Variants in RARA observed in about 807,000 individuals in gnomAD.
RARA encodes PML-DDX5-RARA fusion.
In RARA, 5 loss-of-function variants were observed where a neutral mutation model predicts 42.8. That is an observed-to-expected ratio of 0.12 (90% CI 0.06 to 0.25). The LOEUF (loss-of-function observed/expected upper bound fraction) is 0.25, where lower values mean the gene tolerates loss of function less well. Among genes scored for constraint, RARA ranks in the 10% least tolerant of loss-of-function variants. The pLI is 1.00. For missense variants in RARA, 402 were observed against 628.7 expected, an observed-to-expected ratio of 0.64 and a Z score of 3.86; for synonymous variants, 256 against 259.5, an observed-to-expected ratio of 0.99 and a Z score of 0.13.
In RARA at chr17:40,356,109, C is replaced by T. The variant is rs747786910; in HGVS notation, c.1272C>T (p.Ser424=). 52 of 1,561,264 alleles carry T rather than the reference C, an allele frequency of 3.3e-5. No individual in the cohort carries two copies. The highest frequency in any genetic ancestry group is 1.8e-4 in the African/African-American group (12 of 66,006). The change falls in exon 9 of 9, where the codon AGC becomes AGT. Residue 424 remains serine (S), a synonymous_variant. Coordinates refer to ENST00000254066, the MANE Select transcript of RARA (RefSeq NM_000964.4). ...ACTCAGAGGGCCTGGACACTCTGAG[C>T]GGACAGCCGGGGGGTGGGGGGCGGG... ...LENSEGLDTL[S]GQPGGGGRDG... is the part of the protein sequence containing the mutation.
At chr17:40,340,442 T>A (rs1341264094) in intron 2 of RARA, among the ~76,000 whole-genome samples, 1 of 152,204 alleles carries the variant, frequency 6.6e-6, no homozygotes, top group East Asian at 1.9e-4. Context: ...AGCCTGGTCT[T>A]GTGTACCTTT....
intron 1 of RARA, among the ~76,000 whole-genome samples, chr17:40,316,182 T>C (rs1224043989): frequency 2.6e-5 from 4 of 152,244 alleles, no homozygotes; most frequent in Non-Finnish European, 5.9e-5. Flanking sequence ...TGTGCATGCT[T>C]TGTGTTTGTA....
intron 2 of RARA, among the ~76,000 whole-genome samples, chr17:40,334,237 T>A (rs2033782185): frequency 6.6e-6 from 1 of 152,124 alleles, no homozygotes; most frequent in East Asian, 1.9e-4. Flanking sequence ...GTGGGTGGGG[T>A]GCCCACATTT....
Position 40,331,317 on chromosome 17 carries a change from T to G in RARA, c.99T>G (p.Gly33=), listed in dbSNP as rs769208251. 2 of 1,613,912 alleles carry G rather than the reference T, an allele frequency of 1.2e-6. No individual in the cohort carries two copies. The highest frequency in any genetic ancestry group is 1.7e-6 in the Non-Finnish European group (2 of 1,179,980). ...CCTTCTTCTTCCCCCCTATGCTGGGTGGACTCTCCCCGCCAGGCGCTCTGA... is the reference window on the plus strand; with the variant it reads ...CCTTCTTCTTCCCCCCTATGCTGGGGGGACTCTCCCCGCCAGGCGCTCTGA... ...PYAFFFPPML[G]GLSPPGALTT... is the part of the protein sequence containing the mutation. Residue 33 remains glycine (G), a synonymous_variant, in exon 2 of 9, where the codon GGT becomes GGG. Transcript: ENST00000254066.
intron 2 of RARA, chr17:40,347,908 A>C (rs2143454101): frequency 6.3e-6 from 1 of 159,878 alleles, no homozygotes; most frequent in South Asian, 1.9e-4. Flanking sequence ...CCCCCAGCTT[A>C]TGTCCTCTTC....
Position 40,354,600 on chromosome 17 carries a change from G to A in RARA, c.1012+94G>A. 1 of 1,422,120 alleles carries A rather than the reference G, an allele frequency of 7.0e-7. No individual in the cohort carries two copies. Among genetic ancestry groups the A allele is most frequent in the Non-Finnish European group, 9.6e-7 (1 of 1,046,452 alleles). 88.1% of individuals were successfully genotyped at this position (1,422,120 alleles called of 1,614,324 possible). A position where few individuals can be genotyped will look rare whatever the true frequency, so the allele number is the denominator to read the frequency against. ...AGCTCTTTCAGGCCACCTCTGTTAG[G>A]TATCTCTAGAGGGCAGGGTCTGGTC... On this transcript the variant is annotated intron_variant, in intron 7 of 8. Coordinates refer to ENST00000254066, the MANE Select transcript of RARA (RefSeq NM_000964.4). The surrounding 1 kb of genome is among the most constrained non-coding windows in gnomAD (Gnocchi z 4.5).
chr17:40,341,022 T>C (rs2034015321), intron 2 of RARA: 1 of 400,308 alleles, frequency 2.5e-6, no homozygotes, highest in African/African-American at 2.1e-5. Context: ...TCTAGAAGAA[T>C]GTCCTTGGGT....
intron 1 of RARA, among the ~76,000 whole-genome samples, chr17:40,327,332 A>T (rs2143246703): frequency 6.6e-6 from 1 of 152,290 alleles, no homozygotes; most frequent in Admixed American, 6.5e-5. Flanking sequence ...AGCGTGGGTT[A>T]CAGAGGCCTC....
chr17:40,322,169 G>T (rs1218562335), intron 1 of RARA, among the ~76,000 whole-genome samples: 1 of 152,018 alleles, frequency 6.6e-6, no homozygotes, highest in African/African-American at 2.4e-5. Context: ...GAAGGGGAGG[G>T]GGGTGGAGGG....
Position 40,320,250 on chromosome 17 carries a change from C to T in RARA, c.-362-10607C>T, listed in dbSNP as rs1457617112. ...TCCTATAGCCCCTAAATCTCTATCC[C>T]TTCAGTCTGACCCTAAATGCACCGG... is the stretch of plus-strand genomic sequence containing the variant. On this transcript the variant is annotated intron_variant, in intron 1 of 8. Transcript: ENST00000254066. The surrounding 1 kb of genome is among the most constrained non-coding windows in gnomAD (Gnocchi z 4.1). 1.3e-5 allele frequency among the ~76,000 whole-genome samples: 2 copies of T among 152,230 alleles called. No individual in the cohort carries two copies. Among genetic ancestry groups the T allele is most frequent in the Middle Eastern group, 3.4e-3 (1 of 294 alleles).
At chr17:40,325,295 A>ATAAT (rs1567748800) in intron 1 of RARA, among the ~76,000 whole-genome samples, 1 of 151,656 alleles carries the variant, frequency 6.6e-6, no homozygotes, top group African/African-American at 2.4e-5. Context: ...AAATAAATAA[A>ATAAT]TAAAAAGAGG....
chr17:40,333,633 GCTTT>G lies in RARA; in HGVS notation c.178+2246_178+2249del, dbSNP rs763299728. Among the ~76,000 whole-genome samples, 114 of 150,488 alleles carry G rather than the reference GCTTT, an allele frequency of 7.6e-4. 1 individual carries two copies. The highest frequency in any genetic ancestry group is 1.1e-3 in the Non-Finnish European group (76 of 67,598). The stretch of plus-strand genomic sequence containing the variant: ...TTACAGGCATGAGCCACTGTGCCTG[GCTTT>G]CTTTCTTTTTTTTTTTTCTCATAGG... On this transcript the variant is annotated intron_variant, in intron 2 of 8. Coordinates refer to ENST00000254066, the MANE Select transcript of RARA (RefSeq NM_000964.4).
intron 2 of RARA, chr17:40,342,427 C>T (rs1305653201): frequency 8.4e-7 from 1 of 1,187,782 alleles, no homozygotes; most frequent in Non-Finnish European, 1.0e-6. Context: ...GGTGAAGCCG[C>T]TGAGTTCCCG....
At chr17:40,337,736 G>A (rs1032686864) in intron 2 of RARA, among the ~76,000 whole-genome samples, 1 of 152,250 alleles carries the variant, frequency 6.6e-6, no homozygotes, top group Non-Finnish European at 1.5e-5. Context: ...CTAGAGACTG[G>A]GGAATGCCCG....
In RARA at chr17:40,355,337, G is replaced by C. The variant is rs1290171091; in HGVS notation, c.1087G>C (p.Val363Leu). The change falls in exon 8 of 9, where the codon GTG becomes CTG. Residue 363 changes from valine to leucine, a missense_variant. Val to Leu is a conservative substitution (Grantham distance 32). Transcript: ENST00000254066. This position sits in a 1 kb window ranked among gnomAD's most constrained non-coding sequence, Gnocchi z 4.1. ...GCTGCTGGAGGCGCTAAAGGTCTAC[G>C]TGCGGAAGCGGAGGCCCAGCCGCCC... Reference protein sequence around the residue: ...EPLLEALKVYVRKRRPSRPHM... With the variant: ...EPLLEALKVYLRKRRPSRPHM... 6.2e-7 allele frequency: 1 copy of C among 1,612,870 alleles called. No individual in the cohort carries two copies. Among genetic ancestry groups the C allele is most frequent in the Non-Finnish European group, 8.5e-7 (1 of 1,179,542 alleles).
At position 40,351,985 on chromosome 17, in the gene RARA, C is replaced by G. The variant is rs767684695; in HGVS notation, c.545C>G (p.Pro182Arg). ...PECSESYTLT[P>R]EVGELIEKVR... ...TGCTCTGAGAGCTACACGCTGACGC[C>G]GGAGGTGGGGGAGCTCATTGAGAAG... Residue 182 changes from proline to arginine, a missense_variant, in exon 5 of 9, where the codon CCG (proline) becomes CGG (arginine). Physicochemically the swap from Pro to Arg is moderately radical, Grantham distance 103. This residue lies in a region of RARA where 130 missense variants were observed against 267.9 expected (regional missense o/e 0.49). Transcript: ENST00000254066. The surrounding 1 kb of genome is among the most constrained non-coding windows in gnomAD (Gnocchi z 4.1). 6.2e-7 allele frequency: 1 copy of G among 1,605,720 alleles called. No individual in the cohort carries two copies. The highest frequency in any genetic ancestry group is 8.5e-7 in the Non-Finnish European group (1 of 1,177,418).
At chr17:40,309,638 G>A (rs1296978906) in intron 1 of RARA, among the ~76,000 whole-genome samples, 1 of 152,182 alleles carries the variant, frequency 6.6e-6, no homozygotes, top group Non-Finnish European at 1.5e-5. Flanking sequence ...ATTGGCAAGT[G>A]CTGAGGTAAC....
intron 1 of RARA, among the ~76,000 whole-genome samples, chr17:40,323,843 G>C (rs192512602): frequency 4.4e-5 from 4 of 90,190 alleles, no homozygotes; most frequent in African/African-American, 1.7e-4. Context: ...TGGTGGGGGG[G>C]TGTATTCCTG....
chr17:40,356,295 G>A lies in RARA; in HGVS notation c.*69G>A, dbSNP rs1267079537. 1 of 1,471,850 alleles carries A rather than the reference G, an allele frequency of 6.8e-7. No homozygotes were observed. The highest frequency in any genetic ancestry group is 2.5e-5 in the East Asian group (1 of 40,578). 91.2% of individuals were successfully genotyped at this position (1,471,850 alleles called of 1,614,324 possible). A position where few individuals can be genotyped will look rare whatever the true frequency, so the allele number is the denominator to read the frequency against. ...TTTTCTCTGCCTTTCTACCGACCAT[G>A]TGACCCCGCACCAGCCCTGCCCCCA... On this transcript the variant is annotated 3_prime_UTR_variant, in exon 9 of 9. Coordinates refer to ENST00000254066, the MANE Select transcript of RARA (RefSeq NM_000964.4).
Sources: allele counts gnomAD v4.1 joint callset (sites outside exome capture counted in the v4.1 genomes callset), GRCh38; gene constraint gnomAD v4.1.1; regional missense constraint gnomAD v4.1.1; non-coding constraint Gnocchi (gnomAD v3.1); transcripts MANE v1.5; gene names NCBI Gene and HGNC (gene_info 2026-07-23, HGNC 2026-07-21).